ERVW-1: variants seen among roughly 807,000 people sequenced by gnomAD.
ERVW-1 encodes endogenous retrovirus group W member 1, envelope.
A neutral mutation model predicts 16.6 loss-of-function variants in ERVW-1; 21 were observed. The observed-to-expected ratio is 1.26, with a 90% CI of 0.90 to 1.82. ERVW-1 has a LOEUF of 1.82. Ranked by LOEUF, ERVW-1 falls within the 40% of genes most tolerant of loss-of-function variation. The pLI is 0.00. For missense variants in ERVW-1, 412 were observed against 300.2 expected (o/e 1.37, Z -2.75); for synonymous variants, 161 against 109.8 (o/e 1.47, Z -2.92).
In ERVW-1 at chr7:92,469,603, T is replaced by A. The variant is rs758587028; in HGVS notation, c.779A>T (p.Gln260Leu). 4.4e-6 allele frequency: 3 copies of A among 681,208 alleles called. No homozygotes were observed. In the Admixed American group the frequency reaches 5.8e-5, roughly 13 times the overall value. The allele number at this position is 681,208 out of a possible 1,614,324, so 42.2% of individuals were successfully genotyped here. Residue 260 changes from glutamine to leucine, a missense_variant, in exon 2 of 2, where the codon CAA (glutamine) becomes CTA (leucine). Transcript: ENST00000603053. ...TATTCCTGAGGGTAGGCAGACTATT[T>A]GTGTGGGAGGAGTTACCCACCTGAT... ...QCIRWVTPPT[Q>L]IVCLPSGIFF...
At chr7:92,473,715 AC>A (rs1164586775) in intron 1 of ERVW-1, among the ~76,000 whole-genome samples, 6 of 151,582 alleles carry the variant, frequency 4.0e-5, no homozygotes, top group Admixed American at 2.0e-4. Flanking sequence ...CCGTCTTAGG[AC>A]CCCCTCAGAT....
At position 92,470,086 on chromosome 7, in the gene ERVW-1, C is replaced by T. The variant is rs1421952615; in HGVS notation, c.296G>A (p.Gly99Glu). Residue 99 changes from glycine to glutamate, a missense_variant, in exon 2 of 2, where the codon GGA becomes GAA. Physicochemically the swap from Gly to Glu is moderately conservative, Grantham distance 98. Coordinates refer to ENST00000603053, the MANE Select transcript of ERVW-1 (RefSeq NM_001130925.2). Reference protein sequence around the residue: ...GKMINPSCPGGLGVTVCWTYF... With the variant: ...GKMINPSCPGELGVTVCWTYF... ...AGTCCAACAGACAGTGACTCCAAGT[C>T]CTCCAGGACAACTAGGATTAATCAT... The T allele has an allele frequency of 2.6e-6, 2 of 778,794 alleles. No homozygotes were observed. Among genetic ancestry groups the T allele is most frequent in the South Asian group, 1.3e-5 (1 of 74,526 alleles). 48.2% of individuals were successfully genotyped at this position (778,794 alleles called of 1,614,324 possible). A position where few individuals can be genotyped will look rare whatever the true frequency, so the allele number is the denominator to read the frequency against.
chr7:92,475,834 C>G (rs1045947871), intron 1 of ERVW-1, among the ~76,000 whole-genome samples: 6 of 152,156 alleles, frequency 3.9e-5, no homozygotes, highest in African/African-American at 1.2e-4. Flanking sequence ...TAAACAAGTT[C>G]TTATGCAAAT....
intron 1 of ERVW-1, chr7:92,470,926 G>A (rs987751321): frequency 6.0e-6 from 1 of 167,308 alleles, no homozygotes; most frequent in Non-Finnish European, 1.5e-5. Flanking sequence ...TTTTTTAGAT[G>A]TCCTTTGAGT....
At position 92,470,010 on chromosome 7, in the gene ERVW-1, T is replaced by G. The variant is rs1338277697; in HGVS notation, c.372A>C (p.Ala124=). ...MSDGGGVQDQ[A]REKHVKEVIS... ...TTACTTCTTTTACATGTTTTTCTCT[T>G]GCCTGATCTTGAACTCCACCCCCAT... is the stretch of plus-strand genomic sequence containing the variant. Residue 124 remains alanine, a synonymous_variant, in exon 2 of 2, where the codon GCA becomes GCC. Transcript: ENST00000603053. 1.3e-6 allele frequency: 1 copy of G among 778,634 alleles called. No homozygotes were observed. The highest frequency in any genetic ancestry group is 1.3e-5 in the South Asian group (1 of 74,496). The allele number at this position is 778,634 out of a possible 1,614,324, so 48.2% of individuals were successfully genotyped here. A position where few individuals can be genotyped will look rare whatever the true frequency, so the allele number is the denominator to read the frequency against.
At position 92,469,832 on chromosome 7, in the gene ERVW-1, T is replaced by C. The variant is rs1012082475; in HGVS notation, c.550A>G (p.Thr184Ala). 2.2e-5 allele frequency: 17 copies of C among 771,322 alleles called. No homozygotes were observed. Among genetic ancestry groups the C allele is most frequent in the African/African-American group, 2.2e-4 (13 of 59,026 alleles). The allele number at this position is 771,322 out of a possible 1,614,324, so 47.8% of individuals were successfully genotyped here. A position where few individuals can be genotyped will look rare whatever the true frequency, so the allele number is the denominator to read the frequency against. Residue 184 changes from threonine (T) to alanine (A), a missense_variant, in exon 2 of 2, where the codon ACT becomes GCT. Physicochemically the swap from Thr to Ala is moderately conservative, Grantham distance 58 (BLOSUM62 0). Coordinates refer to ENST00000603053, the MANE Select transcript of ERVW-1 (RefSeq NM_001130925.2). ...AGGGGGAGGCATATCCAACAGTTAG[T>C]AGGGTTTTGGGCCGAGACCTCATGG... ...GLHEVSAQNPTNCWICLPLNF... is the reference protein window; with the variant it reads ...GLHEVSAQNPANCWICLPLNF...
intron 1 of ERVW-1, chr7:92,474,777 G>A (rs1790472415): frequency 6.6e-6 from 1 of 152,162 alleles, no homozygotes; most frequent in South Asian, 2.1e-4. Flanking sequence ...AGCCATCAGG[G>A]TTATCTGAGA....
At chr7:92,476,444 C>CT in intron 1 of ERVW-1, among the ~76,000 whole-genome samples, 1 of 152,186 alleles carries the variant, frequency 6.6e-6, no homozygotes, top group East Asian at 1.9e-4. Flanking sequence ...GGCCTATGCT[C>CT]TTATTTACAC....
rs911130481 is a variant in ERVW-1 at position 92,469,552 on chromosome 7, T to C, written c.830A>G (p.Tyr277Cys). ...GIFFVCGTSA[Y>C]RCLNGSSESM... ...TTCTGAAGAGCCATTCAAACAACGA[T>C]AGGCTGAGGTACCACAGACAAAAAA... is the stretch of plus-strand genomic sequence containing the variant. The change falls in exon 2 of 2, where the codon TAT becomes TGT. Residue 277 changes from tyrosine (Y) to cysteine (C), a missense_variant. By Grantham distance (194) the Tyr-to-Cys change is radical. Coordinates refer to ENST00000603053, the MANE Select transcript of ERVW-1 (RefSeq NM_001130925.2). The C allele has an allele frequency of 6.5e-6, 5 of 765,380 alleles. No individual in the cohort carries two copies. In the African/African-American group the frequency reaches 8.5e-5, roughly 13 times the overall value. The allele number at this position is 765,380 out of a possible 1,614,324, so 47.4% of individuals were successfully genotyped here.
intron 1 of ERVW-1, chr7:92,471,058 T>G (rs1272346527): frequency 6.0e-6 from 1 of 167,124 alleles, no homozygotes; most frequent in Non-Finnish European, 1.5e-5. Flanking sequence ...GCAGGGCTAT[T>G]GTCACTCTGT....
At chr7:92,476,555 C>T (rs1790550391) in intron 1 of ERVW-1, among the ~76,000 whole-genome samples, 1 of 152,158 alleles carries the variant, frequency 6.6e-6, no homozygotes, top group South Asian at 2.1e-4. Context: ...GAATAGGGCA[C>T]ACTGTTTTTT....
At position 92,468,452 on chromosome 7, in the gene ERVW-1, G is replaced by A. The variant is rs191096315; in HGVS notation, c.*313C>T. 4.7e-6 allele frequency: 1 copy of A among 213,332 alleles called. No homozygotes were observed. Among genetic ancestry groups the A allele is most frequent in the African/African-American group, 2.3e-5 (1 of 43,060 alleles). 13.2% of individuals were successfully genotyped at this position (213,332 alleles called of 1,614,324 possible). ...CCATACAAAGGGAGGGGACCCAAAG[G>A]GGGTTGCCGTTGCCGGCTCGAAGAC... On this transcript the variant is annotated 3_prime_UTR_variant, in exon 2 of 2. Coordinates refer to ENST00000603053, the MANE Select transcript of ERVW-1 (RefSeq NM_001130925.2).
intron 1 of ERVW-1, among the ~76,000 whole-genome samples, chr7:92,476,029 G>T (rs1045851109): frequency 1.3e-5 from 2 of 152,116 alleles, no homozygotes; most frequent in Non-Finnish European, 2.9e-5. Flanking sequence ...ACCCATTGTG[G>T]TTTTTTTCCT....
intron 1 of ERVW-1, chr7:92,474,934 T>C (rs1328998181): frequency 2.6e-5 from 4 of 152,186 alleles, no homozygotes; most frequent in East Asian, 3.8e-4. Context: ...GTTTACCCTT[T>C]TGTCTATCTC....
Position 92,469,357 on chromosome 7 carries a change from GT to G in ERVW-1, c.1024del (p.Thr342ProfsTer13). ...ALGTGIGGIT[T>X]STQFYYKLSQ... The stretch of plus-strand genomic sequence containing the variant: ...TAGTTTGTAGTAGAACTGAGTAGAG[GT>G]TGTGATACCGCCAATGCCAGTACCT... On this transcript the variant is annotated frameshift_variant, in exon 2 of 2. Coordinates refer to ENST00000603053, the MANE Select transcript of ERVW-1 (RefSeq NM_001130925.2). LOFTEE classifies it high-confidence loss of function. 1 of 766,172 alleles carries G rather than the reference GT, an allele frequency of 1.3e-6. No homozygotes were observed. The highest frequency in any genetic ancestry group is 2.4e-5 in the East Asian group (1 of 41,256). The allele number at this position is 766,172 out of a possible 1,614,324, so 47.5% of individuals were successfully genotyped here. A position where few individuals can be genotyped will look rare whatever the true frequency, so the allele number is the denominator to read the frequency against.
chr7:92,472,420 C>G (rs1790384589), intron 1 of ERVW-1: 1 of 152,254 alleles, frequency 6.6e-6, no homozygotes, highest in Non-Finnish European at 1.5e-5. Flanking sequence ...GCCACTACAT[C>G]AATTTCCTTA....
At chr7:92,473,446 C>G (rs1790423966) in intron 1 of ERVW-1, among the ~76,000 whole-genome samples, 1 of 151,946 alleles carries the variant, frequency 6.6e-6, no homozygotes. Context: ...TTTAGTTTAA[C>G]TTGAACAGGA....
intron 1 of ERVW-1, chr7:92,471,454 T>C (rs1017819064): frequency 1.3e-5 from 2 of 152,238 alleles, no homozygotes; most frequent in East Asian, 1.9e-4. Flanking sequence ...GTAATTTCCA[T>C]TGGATAGTTG....
intron 1 of ERVW-1, among the ~76,000 whole-genome samples, chr7:92,476,087 C>T (rs1046947889): frequency 6.6e-6 from 1 of 152,164 alleles, no homozygotes; most frequent in Admixed American, 6.5e-5. Flanking sequence ...AAGGGAGTTC[C>T]GCCTAGGTCT....
Sources: gnomAD v4.1 joint callset for allele counts (sites outside exome capture counted in the v4.1 genomes callset) on GRCh38, gnomAD v4.1.1 for gene constraint, MANE v1.5 for transcripts, NCBI Gene and HGNC (gene_info 2026-07-23, HGNC 2026-07-21) for gene names.